The following BCL2L12 variants were observed in gnomAD, a reference collection of about 807,000 sequenced individuals.
The protein encoded by BCL2L12 is bcl-2-like protein 12.
In BCL2L12, 27 loss-of-function variants were observed where a neutral mutation model predicts 25.7. That is an observed-to-expected ratio of 1.05 (90% CI 0.78 to 1.45). The LOEUF is 1.45. Among genes scored for constraint, BCL2L12 ranks in the 40% most tolerant of loss-of-function variants. The probability of loss-of-function intolerance (pLI) is 0.00; values close to 1 mark genes in which losing one functional copy is unlikely to be tolerated. For synonymous variants in BCL2L12, 132 were observed against 145.6 expected (o/e 0.91, Z 0.67); for missense variants, 302 against 329.8 (o/e 0.92, Z 0.65).
Position 49,666,725 on chromosome 19 carries a change from A to G in BCL2L12, c.33A>G (p.Glu11=), listed in dbSNP as rs2081786324. 1.9e-6 allele frequency: 3 copies of G among 1,556,458 alleles called. No homozygotes were observed. The highest frequency in any genetic ancestry group is 1.4e-5 in the African/African-American group (1 of 73,256). Reference sequence around the variant, plus strand: ...GCTCTGAAGAGCTGGGGCTCCGGGAAGACACGCTGAGGGTCCTAGCTGCCT... The same window carrying G: ...GCTCTGAAGAGCTGGGGCTCCGGGAGGACACGCTGAGGGTCCTAGCTGCCT... MAGSEELGLR[E]DTLRVLAAFL... The change falls in exon 2 of 7, where the codon GAA becomes GAG. Residue 11 remains glutamate (E), a synonymous_variant. Coordinates refer to ENST00000246784, the MANE Select transcript of BCL2L12 (RefSeq NM_138639.2).
chr19:49,668,872 A>C lies in BCL2L12; in HGVS notation c.272A>C (p.Tyr91Ser). 1 of 1,613,250 alleles carries C rather than the reference A, an allele frequency of 6.2e-7. No homozygotes were observed. Among genetic ancestry groups the C allele is most frequent in the Middle Eastern group, 1.9e-4 (1 of 5,376 alleles). ...LEPGPATPDF[Y>S]ALVAQRLEQL... ...CCAGGCCCAGCTACTCCAGACTTCT[A>C]TGCTTTGGTGGCCCAGCGGCTGGAA... is the stretch of plus-strand genomic sequence containing the variant. Residue 91 changes from tyrosine to serine, a missense_variant, in exon 4 of 7, where the codon TAT becomes TCT. By Grantham distance (144) the Tyr-to-Ser change is moderately radical (BLOSUM62 -2). Coordinates refer to ENST00000246784, the MANE Select transcript of BCL2L12 (RefSeq NM_138639.2).
chr19:49,670,510 C>A, intron 6 of BCL2L12, 22 bp downstream of exon 6: 1 of 1,534,352 alleles, frequency 6.5e-7, no homozygotes, highest in South Asian at 1.2e-5. Context: ...AAGCCTCTCT[C>A]TCCGGGCCTC....
At chr19:49,669,553 A>G (rs2081908190) in intron 5 of BCL2L12, among the ~76,000 whole-genome samples, 2 of 151,706 alleles carry the variant, frequency 1.3e-5, no homozygotes, top group African/African-American at 2.4e-5. Context: ...AAAAAAAAAA[A>G]AGAATAGTTG....
Position 49,667,090 on chromosome 19 carries a change from G to A in BCL2L12, c.179G>A (p.Arg60Gln), listed in dbSNP as rs145624833. The A allele has an allele frequency of 1.4e-4, 219 of 1,613,774 alleles. 1 individual carries two copies. The highest frequency in any genetic ancestry group is 1.7e-4 in the Non-Finnish European group (206 of 1,179,998). The change falls in exon 3 of 7, where the codon CGA becomes CAA. Residue 60 changes from arginine to glutamine, a missense_variant. By Grantham distance (43) the Arg-to-Gln change is conservative (BLOSUM62 1). Coordinates refer to ENST00000246784, the MANE Select transcript of BCL2L12 (RefSeq NM_138639.2). ...AGATGTCTTCCCTGCTCCCTGGGGC[G>A]AGGAGCAGCCCCCTCTGAGTCCCCT... Reference protein sequence around the residue: ...LRRCLPCSLGRGAAPSESPRP... With the variant: ...LRRCLPCSLGQGAAPSESPRP...
chr19:49,671,601 G>A (rs1204428773), intron 6 of BCL2L12, among the ~76,000 whole-genome samples: 3 of 152,138 alleles, frequency 2.0e-5, no homozygotes, highest in Non-Finnish European at 4.4e-5. Context: ...TTGCGCCACT[G>A]TACTCCAGTG....
Position 49,669,109 on chromosome 19 carries a change from C to G in BCL2L12, c.423C>G (p.Asn141Lys), listed in dbSNP as rs760734873. The part of the protein sequence containing the change: ...ALLEEEAEVI[N>K]QKLASDPALR... The stretch of plus-strand genomic sequence containing the variant: ...TGGAGGAGGAGGCAGAAGTCATTAA[C>G]CAGAAGGTGATGGGCATCTGTCCCA... The change falls in exon 5 of 7, where the codon AAC becomes AAG. Residue 141 changes from asparagine to lysine, a missense_variant. Transcript: ENST00000246784. The G allele has an allele frequency of 1.9e-6, 3 of 1,613,866 alleles. No homozygotes were observed. The Admixed American group carries it at 5.0e-5, about 27-fold the overall frequency.
At position 49,673,054 on chromosome 19, in the gene BCL2L12, C is replaced by T. The variant is rs1014919830; in HGVS notation, c.703-644C>T. Among the ~76,000 whole-genome samples the T allele has an allele frequency of 4.6e-5, 7 of 152,138 alleles. No individual in the cohort carries two copies. In the East Asian group the frequency reaches 5.8e-4, roughly 13 times the overall value. ...GCTAATTTTGTAGTTTTAGCAGAGA[C>T]GGGGTTTTGCCCTGTTGGCCAGGCT... On this transcript the variant is annotated intron_variant, in intron 6 of 6. Transcript: ENST00000246784.
Position 49,672,924 on chromosome 19 carries a change from G to C in BCL2L12, c.703-774G>C, listed in dbSNP as rs554856631. On this transcript the variant is annotated intron_variant, in intron 6 of 6. Transcript: ENST00000246784. The surrounding 1 kb of genome is among the most constrained non-coding windows in gnomAD (Gnocchi z 4.1). ...ACTCTATTGCCCAGACTGGAGTGCAGTGGCACGACCTTGGCTCACTGCAAC... is the reference window on the plus strand; with the variant it reads ...ACTCTATTGCCCAGACTGGAGTGCACTGGCACGACCTTGGCTCACTGCAAC... Among the ~76,000 whole-genome samples, 28 of 152,306 alleles carry C rather than the reference G, an allele frequency of 1.8e-4. No individual in the cohort carries two copies. The highest frequency in any genetic ancestry group is 5.3e-4 in the African/African-American group (22 of 41,562).
rs989996600 is a variant in BCL2L12 at position 49,670,503 on chromosome 19, CCTCT to C, written c.702+21_702+24del. ...ACGGGGGCTGGGTGAGCCGCTGAAG[CCTCT>C]CTCTCCGGGCCTCACTTTACCTAAC... On this transcript the variant is annotated intron_variant, in intron 6 of 6. Transcript: ENST00000246784. The C allele has an allele frequency of 1.3e-6, 2 of 1,536,514 alleles. No individual in the cohort carries two copies. The highest frequency in any genetic ancestry group is 8.7e-7 in the Non-Finnish European group (1 of 1,143,894).
chr19:49,668,536 G>T (rs1037364358), intron 3 of BCL2L12, among the ~76,000 whole-genome samples: 3 of 152,106 alleles, frequency 2.0e-5, no homozygotes, highest in African/African-American at 7.2e-5. Flanking sequence ...AGGCTTGGTT[G>T]CTCACGCCTG....
chr19:49,667,968 C>T (rs190427317), intron 3 of BCL2L12, among the ~76,000 whole-genome samples: 1 of 152,116 alleles, frequency 6.6e-6, no homozygotes, highest in African/African-American at 2.4e-5. Context: ...TTAGTAGACA[C>T]GGGGTTTCGC....
chr19:49,672,503 G>A lies in BCL2L12; in HGVS notation c.703-1195G>A, dbSNP rs1204881858. On this transcript the variant is annotated intron_variant, in intron 6 of 6. Transcript: ENST00000246784. The surrounding 1 kb of genome is among the most constrained non-coding windows in gnomAD (Gnocchi z 4.1). ...GACAGGCGCTGATTTAGGCGCTAAT[G>A]GGCGCCCTCTGGCGGCTGCCTGGGG... 3.9e-5 allele frequency among the ~76,000 whole-genome samples: 6 copies of A among 152,230 alleles called. No homozygotes were observed. Among genetic ancestry groups the A allele is most frequent in the Admixed American group, 2.6e-4 (4 of 15,282 alleles).
rs1233846034 is a variant in BCL2L12 at position 49,673,752 on chromosome 19, C to G, written c.*4C>G. The G allele has an allele frequency of 6.2e-7, 1 of 1,614,138 alleles. No homozygotes were observed. The highest frequency in any genetic ancestry group is 1.7e-5 in the Admixed American group (1 of 60,014). ...CTTGAACTTGCCATTGGACTGAGCT[C>G]TTTCTCAGAAGCTGCTACAAGATGA... On this transcript the variant is annotated 3_prime_UTR_variant, in exon 7 of 7. Transcript: ENST00000246784.
At chr19:49,669,249 G>A in intron 5 of BCL2L12, 134 bp downstream of exon 5, 2 of 1,466,378 alleles carry the variant, frequency 1.4e-6, no homozygotes, top group Non-Finnish European at 1.8e-6. Flanking sequence ...TCAATGAAGG[G>A]TTGAGGCCGG....
chr19:49,668,391 G>A (rs925570080), intron 3 of BCL2L12, among the ~76,000 whole-genome samples: 1 of 152,064 alleles, frequency 6.6e-6, no homozygotes, highest in Non-Finnish European at 1.5e-5. Context: ...GAGCCACTGC[G>A]CCTGGCCCCA....
Position 49,666,006 on chromosome 19 carries a change from A to G in BCL2L12, c.-70A>G, listed in dbSNP as rs922241817. Reference sequence around the variant, plus strand: ...GGAAAGTTGAACTAATAAAGTTTGTACGAGTTCAGTGGAGGAGACCGCAAG... The same window carrying G: ...GGAAAGTTGAACTAATAAAGTTTGTGCGAGTTCAGTGGAGGAGACCGCAAG... On this transcript the variant is annotated 5_prime_UTR_variant, in exon 1 of 7. Coordinates refer to ENST00000246784, the MANE Select transcript of BCL2L12 (RefSeq NM_138639.2). 3.8e-6 allele frequency: 6 copies of G among 1,595,526 alleles called. No homozygotes were observed. Among genetic ancestry groups the G allele is most frequent in the African/African-American group, 1.3e-5 (1 of 74,520 alleles).
upstream of BCL2L12, chr19:49,665,342 C>T (rs866618704): frequency 1.7e-5 from 3 of 177,836 alleles, no homozygotes; most frequent in African/African-American, 2.4e-5. Flanking sequence ...CTCCCTCCTC[C>T]AGGACAGAGC....
In BCL2L12 at chr19:49,670,228, C is replaced by T; in HGVS notation, c.442C>T (p.Pro148Ser). 1 of 1,606,632 alleles carries T rather than the reference C, an allele frequency of 6.2e-7. No individual in the cohort carries two copies. The highest frequency in any genetic ancestry group is 1.3e-5 in the African/African-American group (1 of 74,956). ...TTCCACCCTACAGCTGGCCTCGGAC[C>T]CCGCCCTGCGCAGCAAGCTGGTCCG... ...EVINQKLASD[P>S]ALRSKLVRLS... The change falls in exon 6 of 7, where the codon CCC (proline) becomes TCC (serine). Residue 148 changes from proline to serine, a missense_variant. Coordinates refer to ENST00000246784, the MANE Select transcript of BCL2L12 (RefSeq NM_138639.2).
chr19:49,667,204 G>A (rs1399444275), intron 3 of BCL2L12, 43 bp downstream of exon 3: 15 of 1,599,362 alleles, frequency 9.4e-6, no homozygotes, highest in Middle Eastern at 1.7e-4. Flanking sequence ...GCAGAACACG[G>A]GATAAGGTGC....
Sources: allele counts gnomAD v4.1 joint callset (sites outside exome capture counted in the v4.1 genomes callset), GRCh38; gene constraint gnomAD v4.1.1; non-coding constraint Gnocchi (gnomAD v3.1); transcripts MANE v1.5; gene names NCBI Gene and HGNC (gene_info 2026-07-23, HGNC 2026-07-21).